SSBP3: variants seen among roughly 807,000 people sequenced by gnomAD.
The protein encoded by SSBP3 is single stranded DNA binding protein 3, also known as single-stranded DNA-binding protein 3.
A neutral mutation model predicts 69.6 loss-of-function variants in SSBP3; 5 were observed. The observed-to-expected ratio is 0.07, with a 90% confidence interval of 0.04 to 0.15. SSBP3 has a LOEUF of 0.15. Among genes scored for constraint, SSBP3 ranks in the 10% least tolerant of loss-of-function variants. The pLI is 1.00. For missense variants in SSBP3, 312 were observed against 534.0 expected, an observed-to-expected ratio of 0.58 and a Z score of 4.10; for synonymous variants, 196 against 193.4, an observed-to-expected ratio of 1.01 and a Z score of -0.11.
chr1:54,226,291 T>G (rs951018329), exon 18 of SSBP3: 3 of 152,970 alleles, frequency 2.0e-5, no homozygotes, highest in Non-Finnish European at 4.4e-5. Context: ...GGTGACGGTC[T>G]GGGCTGTGGT....
At chr1:54,275,511 G>C (rs565817482) in intron 5 of SSBP3, among the ~76,000 whole-genome samples, 1 of 152,330 alleles carries the variant, frequency 6.6e-6, no homozygotes, top group African/African-American at 2.4e-5. Flanking sequence ...GACAGCATTT[G>C]GCTCAGCTTT....
At chr1:54,300,002 C>G (rs1014685120) in intron 4 of SSBP3, among the ~76,000 whole-genome samples, 20 of 152,158 alleles carry the variant, frequency 1.3e-4, no homozygotes, top group Admixed American at 7.9e-4. Flanking sequence ...TGGAATGCTC[C>G]TATCACAGTC....
upstream of SSBP3, among the ~76,000 whole-genome samples, chr1:54,410,727 G>A (rs1002782816): frequency 1.3e-5 from 2 of 152,204 alleles, no homozygotes; most frequent in Non-Finnish European, 2.9e-5. Context: ...TCCCCTCTGA[G>A]CCTCACCGTC....
At chr1:54,384,347 G>A (rs1240824397) in intron 4 of SSBP3, among the ~76,000 whole-genome samples, 1 of 152,204 alleles carries the variant, frequency 6.6e-6, no homozygotes, top group Admixed American at 6.5e-5. Flanking sequence ...CTTGTTCTAA[G>A]GGCGTTAAGA....
chr1:54,311,067 A>C (rs1048737277), intron 4 of SSBP3, among the ~76,000 whole-genome samples: 9 of 152,182 alleles, frequency 5.9e-5, no homozygotes, highest in African/African-American at 2.2e-4. Flanking sequence ...CGCGGACCCT[A>C]ATCGATGGCT....
At chr1:54,263,195 G>C (rs1645044998) in intron 5 of SSBP3, among the ~76,000 whole-genome samples, 1 of 152,144 alleles carries the variant, frequency 6.6e-6, no homozygotes, top group Admixed American at 6.5e-5. Context: ...CTGACAGCGT[G>C]GGGAGCAGAG....
At chr1:54,237,564 G>T (rs1360923588) in intron 14 of SSBP3, 1 of 154,062 alleles carries the variant, frequency 6.5e-6, no homozygotes, top group Middle Eastern at 3.4e-3. Context: ...AGTACATTCT[G>T]TTTGGGTTCT....
chr1:54,356,855 A>G (rs1252524142), intron 4 of SSBP3: 2 of 152,344 alleles, frequency 1.3e-5, no homozygotes, highest in Non-Finnish European at 2.9e-5. Context: ...GTGCTCAGCA[A>G]CCAGCGTTCA....
chr1:54,290,937 G>GCACA (rs952365542), intron 4 of SSBP3, among the ~76,000 whole-genome samples: 1 of 151,880 alleles, frequency 6.6e-6, no homozygotes, highest in African/African-American at 2.4e-5. Context: ...ACACACACAC[G>GCACA]CACACACACA....
chr1:54,272,485 TTTTAA>T (rs1645211090), intron 5 of SSBP3, among the ~76,000 whole-genome samples: 1 of 139,202 alleles, frequency 7.2e-6, no homozygotes, highest in Admixed American at 7.5e-5. Flanking sequence ...TTGACCTTTT[TTTTAA>T]AAAAAAAAAA....
chr1:54,316,681 T>G (rs866023053), intron 4 of SSBP3, among the ~76,000 whole-genome samples: 1 of 112,840 alleles, frequency 8.9e-6, no homozygotes, highest in African/African-American at 5.1e-5. Context: ...AATAAATAAA[T>G]AAATAAATAA....
intron 5 of SSBP3, among the ~76,000 whole-genome samples, chr1:54,279,936 G>A (rs925607814): frequency 3.9e-5 from 6 of 152,180 alleles, no homozygotes; most frequent in Non-Finnish European, 7.4e-5. Context: ...CCCTAGCAAT[G>A]CCTGGTCCAG....
chr1:54,348,563 T>C (rs984196451), intron 4 of SSBP3, among the ~76,000 whole-genome samples: 7 of 152,196 alleles, frequency 4.6e-5, no homozygotes, highest in Non-Finnish European at 7.3e-5. Flanking sequence ...GTCCAGGGGT[T>C]GGGCTTTATT....
intron 4 of SSBP3, among the ~76,000 whole-genome samples, chr1:54,399,264 T>C (rs1649121526): frequency 6.6e-6 from 1 of 152,220 alleles, no homozygotes; most frequent in Non-Finnish European, 1.5e-5. Context: ...CAACAAATGG[T>C]ACTTGCCATG....
chr1:54,242,178 T>C, exon 11 of SSBP3: 2 of 1,613,398 alleles, frequency 1.2e-6, no homozygotes, highest in South Asian at 1.1e-5. Flanking sequence ...TTAGCACTGT[T>C]AGGATTGGGC....
intron 14 of SSBP3, chr1:54,238,269 C>T (rs1399153947): frequency 2.1e-6 from 1 of 470,968 alleles, no homozygotes; most frequent in Non-Finnish European, 4.4e-6. Context: ...CAGAGTGCCC[C>T]AAAAGGCCCT....
intron 4 of SSBP3, among the ~76,000 whole-genome samples, chr1:54,324,522 T>C (rs920526373): frequency 6.0e-5 from 9 of 150,528 alleles, no homozygotes; most frequent in African/African-American, 2.0e-4. Flanking sequence ...CTGGGGACAC[T>C]CCCTCGAAAG....
chr1:54,356,335 C>T (rs1372614937), intron 4 of SSBP3: 1 of 152,162 alleles, frequency 6.6e-6, no homozygotes, highest in African/African-American at 2.4e-5. Context: ...AAGGAAACGC[C>T]GCACACTTCC....
intron 4 of SSBP3, among the ~76,000 whole-genome samples, chr1:54,396,352 C>A (rs1411457059): frequency 6.6e-6 from 1 of 152,148 alleles, no homozygotes; most frequent in East Asian, 1.9e-4. Context: ...AGAATTATTA[C>A]CAAGCTAAAA....
Sources: gnomAD v4.1 joint callset for allele counts (sites outside exome capture counted in the v4.1 genomes callset) on GRCh38, gnomAD v4.1.1 for gene constraint, MANE v1.5 for transcripts, NCBI Gene and HGNC (gene_info 2026-07-23, HGNC 2026-07-21) for gene names.